The following VIT variants were observed in gnomAD, a reference collection of about 807,000 sequenced individuals.
The protein encoded by VIT is vitrin.
Under a neutral mutation model 78.0 loss-of-function variants are expected in VIT, and 99 were observed. The ratio of observed to expected loss-of-function variants is 1.27; its 90% CI spans 1.08 to 1.50. The LOEUF (loss-of-function observed/expected upper bound fraction) is 1.50, where lower values mean the gene tolerates loss of function less well. Ranked by LOEUF, VIT falls within the 40% of genes most tolerant of loss-of-function variation. The pLI, the probability that VIT is intolerant of heterozygous loss-of-function variation, is 0.00. For missense variants in VIT, 1,126 were observed against 875.3 expected (o/e 1.29, Z -3.61); for synonymous variants, 374 against 334.3 (o/e 1.12, Z -1.29).
chr2:36,713,217 G>A (rs1211044880), intron 1 of VIT, among the ~76,000 whole-genome samples: 1 of 152,188 alleles, frequency 6.6e-6, no homozygotes, highest in Non-Finnish European at 1.5e-5. Context: ...TAACATTTAA[G>A]CAAAGATTTG....
intron 5 of VIT, 147 bp downstream of exon 5, chr2:36,755,201 C>A: frequency 1.1e-6 from 1 of 931,514 alleles, no homozygotes. Context: ...AATCACGACA[C>A]AATAAATTAG....
intron 7 of VIT, among the ~76,000 whole-genome samples, chr2:36,770,175 G>A (rs768220536): frequency 6.2e-4 from 95 of 152,202 alleles, no homozygotes; most frequent in Non-Finnish European, 8.2e-4. Flanking sequence ...TGCCCACTAT[G>A]TGTCAGGCAC....
intron 11 of VIT, among the ~76,000 whole-genome samples, chr2:36,786,678 G>T (rs937686625): frequency 6.6e-6 from 1 of 152,212 alleles, no homozygotes; most frequent in Non-Finnish European, 1.5e-5. Flanking sequence ...CCCTCCCTCA[G>T]TGCTGGCCTT....
In VIT at chr2:36,743,255, A is replaced by T. The variant is rs201275662; in HGVS notation, c.274A>T (p.Ser92Cys). 4 of 1,612,576 alleles carry T rather than the reference A, an allele frequency of 2.5e-6. No individual in the cohort carries two copies. In the East Asian group the frequency reaches 8.9e-5, roughly 36 times the overall value. ...CAGTGTGTGTGGCGCTGCCGTACAC[A>T]GGTGAGTGGTTCTGAGCTACTTAAT... ...YSSVCGAAVH[S>C]GVLDNSGGKI... is the part of the protein sequence containing the mutation. Residue 92 changes from serine (S) to cysteine (C), a missense_variant and splice_region_variant, in exon 4 of 16, where the codon AGT becomes TGT. Coordinates refer to ENST00000379242, the MANE Select transcript of VIT (RefSeq NM_053276.4).
chr2:36,711,691 T>C (rs1573122335), intron 1 of VIT, among the ~76,000 whole-genome samples: 2 of 152,164 alleles, frequency 1.3e-5, no homozygotes, highest in Admixed American at 1.3e-4. Context: ...GTGAACAAAA[T>C]AGACAACTCT....
At chr2:36,728,483 A>G (rs1666989881) in intron 2 of VIT, among the ~76,000 whole-genome samples, 1 of 152,120 alleles carries the variant, frequency 6.6e-6, no homozygotes, top group Non-Finnish European at 1.5e-5. Context: ...TTATAAGGTG[A>G]AAAAGATACA....
chr2:36,700,572 T>A (rs942870890), intron 1 of VIT, among the ~76,000 whole-genome samples: 1 of 151,980 alleles, frequency 6.6e-6, no homozygotes, highest in African/African-American at 2.4e-5. Context: ...TGAGACCTTG[T>A]CCCTACTAAA....
At chr2:36,788,056 C>G in intron 12 of VIT, 1 of 279,396 alleles carries the variant, frequency 3.6e-6, no homozygotes, top group South Asian at 3.1e-5. Flanking sequence ...AAAGAACAAG[C>G]GTGCATAATC....
chr2:36,778,994 G>A (rs1207192835), intron 9 of VIT, among the ~76,000 whole-genome samples: 1 of 152,206 alleles, frequency 6.6e-6, no homozygotes, highest in African/African-American at 2.4e-5. Context: ...TCTTGCTTGG[G>A]TCCCGTGTTG....
chr2:36,788,688 T>C (rs1379989231), intron 12 of VIT, among the ~76,000 whole-genome samples: 1 of 152,178 alleles, frequency 6.6e-6, no homozygotes, highest in Admixed American at 6.5e-5. Flanking sequence ...GATGACAGGT[T>C]TTACTAGAGA....
intron 1 of VIT, among the ~76,000 whole-genome samples, chr2:36,711,760 G>A (rs528900106): frequency 1.3e-5 from 2 of 152,236 alleles, no homozygotes; most frequent in East Asian, 3.9e-4. Flanking sequence ...TAAATATAAA[G>A]CAATATTATT....
intron 4 of VIT, among the ~76,000 whole-genome samples, chr2:36,745,028 G>A (rs900545507): frequency 1.3e-5 from 2 of 152,014 alleles, no homozygotes; most frequent in Non-Finnish European, 2.9e-5. Flanking sequence ...TCATTCTTTT[G>A]CATATGGATA....
chr2:36,775,880 A>G (rs1057262130), intron 9 of VIT, among the ~76,000 whole-genome samples: 2 of 152,174 alleles, frequency 1.3e-5, no homozygotes, highest in African/African-American at 4.8e-5. Context: ...AGCCATTTGC[A>G]CACCCTGAGT....
chr2:36,813,360 A>C (rs1376584823), intron 15 of VIT, among the ~76,000 whole-genome samples: 1 of 152,032 alleles, frequency 6.6e-6, no homozygotes, highest in African/African-American at 2.4e-5. Flanking sequence ...GAGGCACAAA[A>C]ATCTCTTGAA....
intron 7 of VIT, among the ~76,000 whole-genome samples, chr2:36,767,598 T>G (rs1341856293): frequency 1.3e-5 from 2 of 152,214 alleles, no homozygotes; most frequent in South Asian, 2.1e-4. Flanking sequence ...TTGTTATTGG[T>G]TTTTAAGTGA....
chr2:36,775,077 C>A lies in VIT; in HGVS notation c.802+10C>A. 6.2e-7 allele frequency: 1 copy of A among 1,613,428 alleles called. No individual in the cohort carries two copies. The highest frequency in any genetic ancestry group is 8.5e-7 in the Non-Finnish European group (1 of 1,179,910). On this transcript the variant is annotated intron_variant, in intron 9 of 15. Coordinates refer to ENST00000379242, the MANE Select transcript of VIT (RefSeq NM_053276.4). ...GCGGATGTCAGCCTGGGTAAGCTGC[C>A]CACTGCTTACCATCTCTGCTCCCTA... is the stretch of plus-strand genomic sequence containing the variant.
chr2:36,764,583 G>A (rs3732070), intron 6 of VIT, among the ~76,000 whole-genome samples: 1 of 152,210 alleles, frequency 6.6e-6, no homozygotes, highest in Non-Finnish European at 1.5e-5. Context: ...CAAATTTAAA[G>A]GTGACCAACT....
In VIT at chr2:36,696,902, C is replaced by G. The variant is rs1055718454; in HGVS notation, c.-90C>G. On this transcript the variant is annotated 5_prime_UTR_variant, in exon 1 of 16. Coordinates refer to ENST00000379242, the MANE Select transcript of VIT (RefSeq NM_053276.4). ...GGATGGGATTTGTGATGCAGGAAAGCCTAAGGGAAAAAGAATATTCATTCT... is the reference window on the plus strand; with the variant it reads ...GGATGGGATTTGTGATGCAGGAAAGGCTAAGGGAAAAAGAATATTCATTCT... The G allele has an allele frequency of 6.6e-6, 1 of 151,852 alleles. No individual in the cohort carries two copies. Among genetic ancestry groups the G allele is most frequent in the Non-Finnish European group, 1.5e-5 (1 of 67,978 alleles). The allele number at this position is 151,852 out of a possible 1,614,324, so 9.4% of individuals were successfully genotyped here. A position where few individuals can be genotyped will look rare whatever the true frequency, so the allele number is the denominator to read the frequency against.
At chr2:36,796,876 C>T (rs1299760456) in intron 12 of VIT, among the ~76,000 whole-genome samples, 1 of 152,066 alleles carries the variant, frequency 6.6e-6, no homozygotes, top group East Asian at 1.9e-4. Flanking sequence ...ACCAGACACC[C>T]TCAGGAAATT....
Sources: allele counts gnomAD v4.1 joint callset (sites outside exome capture counted in the v4.1 genomes callset), GRCh38; gene constraint gnomAD v4.1.1; transcripts MANE v1.5; gene names NCBI Gene and HGNC (gene_info 2026-07-23, HGNC 2026-07-21).